The following VGLL4 variants were observed in gnomAD, a reference collection of about 807,000 sequenced individuals.
VGLL4 encodes the protein transcription cofactor vestigial-like protein 4.
In VGLL4, 7 loss-of-function variants were observed where a neutral mutation model predicts 21.0. That is an observed-to-expected ratio of 0.33 (90% CI 0.19 to 0.63). VGLL4 has a LOEUF of 0.63. Among genes scored for constraint, VGLL4 ranks in the 20% least tolerant of loss-of-function variants. VGLL4 has a pLI of 0.78. For synonymous variants in VGLL4, 222 were observed against 173.2 expected (o/e 1.28, Z -2.21); for missense variants, 394 against 425.7 (o/e 0.93, Z 0.66).
intron 2 of VGLL4, among the ~76,000 whole-genome samples, chr3:11,593,065 C>T (rs921768109): frequency 6.6e-6 from 1 of 152,240 alleles, no homozygotes. Flanking sequence ...CTGTTTACGA[C>T]GTCCCAGCTG....
rs1436968270 is a variant in VGLL4, at chr3:11,557,475, G to T, written c.*1081C>A. ...AGGGATGCAAAAATAAATGATGTCA[G>T]CCTGCAGCCAAACTCCAGCATCCCA... On this transcript the variant is annotated 3_prime_UTR_variant, in exon 5 of 5. Coordinates refer to ENST00000430365, the MANE Select transcript of VGLL4 (RefSeq NM_001128219.3). The T allele has an allele frequency of 6.6e-6, 1 of 152,564 alleles. No homozygotes were observed. Among genetic ancestry groups the T allele is most frequent in the Non-Finnish European group, 1.5e-5 (1 of 68,042 alleles). 9.5% of individuals were successfully genotyped at this position (152,564 alleles called of 1,614,324 possible).
chr3:11,638,584 C>T (rs2075631926), intron 1 of VGLL4, among the ~76,000 whole-genome samples: 1 of 152,088 alleles, frequency 6.6e-6, no homozygotes, highest in Non-Finnish European at 1.5e-5. Flanking sequence ...CCTATCCTTT[C>T]CTGCAAGTAA....
intron 1 of VGLL4, among the ~76,000 whole-genome samples, chr3:11,703,296 G>A (rs1489678961): frequency 2.0e-5 from 3 of 152,198 alleles, no homozygotes; most frequent in African/African-American, 7.2e-5. Flanking sequence ...TAAAAGAAGG[G>A]ATATTGTGAA....
rs375180323 is a variant in VGLL4 at position 11,688,156 on chromosome 3, G to C, written c.64+14815C>G. Among the ~76,000 whole-genome samples, 39 of 152,122 alleles carry C rather than the reference G, an allele frequency of 2.6e-4. 1 individual carries two copies. The highest frequency in any genetic ancestry group is 2.1e-3 in the East Asian group (11 of 5,186). On this transcript the variant is annotated intron_variant, in intron 2 of 5. Transcript: ENST00000273038. ...TGATGCAAATGGCTTACTTCGACAT[G>C]GGATATGTTACTCTTTCAATATAAT...
rs569218778 is a variant in VGLL4, at chr3:11,687,843, G to C, written c.64+15128C>G. Among the ~76,000 whole-genome samples the C allele has an allele frequency of 2.6e-3, 401 of 152,164 alleles. 4 individuals are homozygous for C. Among genetic ancestry groups the C allele is most frequent in the Admixed American group, 3.4e-3 (52 of 15,274 alleles). ...ATCCCTTTTTTAAGAAAAATCACTA[G>C]CTAGAACGTCAAGTTCAATGCTACT... On this transcript the variant is annotated intron_variant, in intron 2 of 5. Transcript: ENST00000273038.
chr3:11,626,359 G>T, intron 1 of VGLL4: 1 of 456,918 alleles, frequency 2.2e-6, no homozygotes, highest in Middle Eastern at 3.3e-4. Flanking sequence ...ACAAGTACCT[G>T]TGTGGGTGGA....
At chr3:11,642,491 G>T (rs891286878) in intron 1 of VGLL4, among the ~76,000 whole-genome samples, 1 of 152,198 alleles carries the variant, frequency 6.6e-6, no homozygotes, top group Non-Finnish European at 1.5e-5. Context: ...AATGGAAACT[G>T]CTCCTGCTGA....
intron 2 of VGLL4, among the ~76,000 whole-genome samples, chr3:11,566,423 G>A (rs778323640): frequency 2.6e-5 from 4 of 152,132 alleles, no homozygotes; most frequent in Non-Finnish European, 5.9e-5. Context: ...TTCAGATTTC[G>A]TGTTTTGCTT....
At chr3:11,594,974 C>T (rs536186750) in intron 2 of VGLL4, among the ~76,000 whole-genome samples, 152 of 152,310 alleles carry the variant, frequency 1.0e-3, no homozygotes, top group Non-Finnish European at 1.6e-3. Flanking sequence ...CCAGCCTGAC[C>T]AACATGGAGA....
chr3:11,606,215 GA>G (rs773035971), intron 1 of VGLL4, among the ~76,000 whole-genome samples: 5 of 152,120 alleles, frequency 3.3e-5, no homozygotes, highest in African/African-American at 7.2e-5. Flanking sequence ...AGTATGGGGG[GA>G]AACCGCCCCC....
At chr3:11,705,213 C>T (rs2076741676) in intron 1 of VGLL4, among the ~76,000 whole-genome samples, 1 of 152,216 alleles carries the variant, frequency 6.6e-6, no homozygotes, top group African/African-American at 2.4e-5. Context: ...GGCCGCACCA[C>T]GTGGAACGGA....
Position 11,687,094 on chromosome 3 carries a change from C to A in VGLL4, c.64+15877G>T, listed in dbSNP as rs373586784. Among the ~76,000 whole-genome samples, 67 of 152,262 alleles carry A rather than the reference C, an allele frequency of 4.4e-4. 1 individual carries two copies. In the South Asian group the frequency reaches 0.013, roughly 30 times the overall value. Reference sequence around the variant, plus strand: ...TGTCAGTATTATCCCATTCCAACTACTTCATAGCAATAAAATTTATAAAGT... The same window carrying A: ...TGTCAGTATTATCCCATTCCAACTAATTCATAGCAATAAAATTTATAAAGT... On this transcript the variant is annotated intron_variant, in intron 2 of 5. Coordinates refer to the VGLL4 transcript ENST00000273038.
chr3:11,606,128 C>T (rs755362698), intron 1 of VGLL4, among the ~76,000 whole-genome samples: 5 of 152,226 alleles, frequency 3.3e-5, no homozygotes, highest in African/African-American at 9.6e-5. Flanking sequence ...TGATGACAGA[C>T]GAGAGAATGA....
Position 11,606,600 on chromosome 3 carries a change from T to C in VGLL4, c.83-4578A>G, listed in dbSNP as rs1027342728. ...CACCATCAGCACCCTGTAGCTAGGA[T>C]TGTAAAATGCACCCAATCAGTGCTC... On this transcript the variant is annotated intron_variant, in intron 1 of 4. Transcript: ENST00000430365. Among the ~76,000 whole-genome samples the C allele has an allele frequency of 7.9e-5, 12 of 152,102 alleles. 1 individual carries two copies. The highest frequency in any genetic ancestry group is 4.6e-4 in the Admixed American group (7 of 15,272).
chr3:11,716,227 G>A (rs1458537402), intron 1 of VGLL4, among the ~76,000 whole-genome samples: 1 of 151,340 alleles, frequency 6.6e-6, no homozygotes, highest in Non-Finnish European at 1.5e-5. Flanking sequence ...ACTTGAAACC[G>A]GAAGGTGGAA....
chr3:11,644,660 G>A (rs2075759802), upstream of VGLL4, among the ~76,000 whole-genome samples: 1 of 151,910 alleles, frequency 6.6e-6, no homozygotes, highest in African/African-American at 2.4e-5. Flanking sequence ...AGCCTGGCCA[G>A]CATGGTGAAA....
chr3:11,619,320 G>A (rs2075221779), intron 1 of VGLL4, among the ~76,000 whole-genome samples: 1 of 152,120 alleles, frequency 6.6e-6, no homozygotes, highest in South Asian at 2.1e-4. Flanking sequence ...CGACAAACAT[G>A]CATTTAAATG....
chr3:11,604,572 G>T (rs2074889599), intron 1 of VGLL4: 1 of 924,700 alleles, frequency 1.1e-6, no homozygotes, highest in South Asian at 5.4e-5. Flanking sequence ...TGTGTGGTGG[G>T]GTTAAAATTA....
At chr3:11,654,481 A>T (rs892562300) in intron 2 of VGLL4, among the ~76,000 whole-genome samples, 1 of 152,186 alleles carries the variant, frequency 6.6e-6, no homozygotes, top group African/African-American at 2.4e-5. Flanking sequence ...CTTACTTTTA[A>T]CTAAAAATAA....
Sources: gnomAD v4.1 joint callset for allele counts (sites outside exome capture counted in the v4.1 genomes callset) on GRCh38, gnomAD v4.1.1 for gene constraint, MANE v1.5 for transcripts, NCBI Gene and HGNC (gene_info 2026-07-23, HGNC 2026-07-21) for gene names.